The following COL6A6 variants were observed in gnomAD, a reference collection of about 807,000 sequenced individuals.
The protein encoded by COL6A6 is collagen alpha-6(VI) chain.
In COL6A6, 183 loss-of-function variants were observed where a neutral mutation model predicts 208.6. The observed-to-expected ratio is 0.88, with a 90% CI of 0.78 to 0.99. The LOEUF is 0.99. Among genes scored for constraint, COL6A6 ranks in the 50% least tolerant of loss-of-function variants. COL6A6 has a pLI of 0.00. For synonymous variants in COL6A6, 973 were observed against 1,011.8 expected (o/e 0.96, Z 0.73); for missense variants, 2,816 against 2,815.2 (o/e 1.00, Z -0.01).
Position 130,564,971 on chromosome 3 carries a change from CTTGT to C in COL6A6, c.662-20_662-17del, listed in dbSNP as rs1379790927. 3 of 1,603,618 alleles carry C rather than the reference CTTGT, an allele frequency of 1.9e-6. No homozygotes were observed. The highest frequency in any genetic ancestry group is 1.7e-4 in the Middle Eastern group (1 of 5,996). On this transcript the variant is annotated intron_variant, in intron 3 of 36. Coordinates refer to ENST00000358511, the MANE Select transcript of COL6A6 (RefSeq NM_001102608.3). ...TGCTGAACCACCAGCTAAAATTGTGCTTGTTTATTTCTTGCCACACAGCTTGCCA... is the reference window on the plus strand; with the variant it reads ...TGCTGAACCACCAGCTAAAATTGTGCTTATTTCTTGCCACACAGCTTGCCA...
intron 31 of COL6A6, among the ~76,000 whole-genome samples, chr3:130,643,970 CAGTT>C (rs983518607): frequency 5.9e-5 from 9 of 152,012 alleles, no homozygotes; most frequent in Non-Finnish European, 1.2e-4. Flanking sequence ...TTTTGGGGCT[CAGTT>C]AGTGCGGTGG....
chr3:130,606,989 C>T (rs375462877), intron 21 of COL6A6, 23 bp downstream of exon 21: 225 of 1,583,846 alleles, frequency 1.4e-4, no homozygotes, highest in Admixed American at 2.4e-4. Flanking sequence ...TTCCCCTTAA[C>T]TCCAAATAAC....
chr3:130,534,764 T>C (rs76239683), intron 1 of COL6A6, among the ~76,000 whole-genome samples: 1,902 of 152,296 alleles, frequency 0.012, 32 homozygotes, highest in African/African-American at 0.043. Context: ...CTACTTAGAT[T>C]TACCTACATT....
chr3:130,642,243 A>ATGTGTGTGTGTGTGTG (rs3074299), intron 29 of COL6A6, among the ~76,000 whole-genome samples: 52 of 142,198 alleles, frequency 3.7e-4, no homozygotes, highest in African/African-American at 1.3e-3. Context: ...GACAGATTAT[A>ATGTGTGTGTGTGTGTG]TGTGTGTGTG....
chr3:130,618,124 A>G (rs79931212), intron 23 of COL6A6, among the ~76,000 whole-genome samples: 13,230 of 152,130 alleles, frequency 0.087, 798 homozygotes, highest in Admixed American at 0.19. Flanking sequence ...TAGAACTCCA[A>G]TCTGGGCTAA....
chr3:130,568,450 TG>T lies in COL6A6; in HGVS notation c.2248del (p.Val750Ter). ...EPAVVLRQEG[V>X]IIYSVGVFGS... The stretch of plus-strand genomic sequence containing the variant: ...CAGCAGTAGTGCTTCGGCAAGAAGG[TG>T]TAATCATCTATTCTGTGGGAGTGTT... On this transcript the variant is annotated frameshift_variant, in exon 6 of 37. Coordinates refer to ENST00000358511, the MANE Select transcript of COL6A6 (RefSeq NM_001102608.3). LOFTEE classifies it high-confidence loss of function. 6.2e-7 allele frequency: 1 copy of T among 1,613,938 alleles called. No individual in the cohort carries two copies. The highest frequency in any genetic ancestry group is 1.1e-5 in the South Asian group (1 of 91,084).
At chr3:130,574,593 A>C in intron 8 of COL6A6, 68 bp downstream of exon 8, 2 of 1,320,332 alleles carry the variant, frequency 1.5e-6, no homozygotes, top group Non-Finnish European at 2.1e-6. Flanking sequence ...TTCCAGCTCC[A>C]TTGTCATCCC....
intron 1 of COL6A6, among the ~76,000 whole-genome samples, chr3:130,520,435 T>G (rs923097993): frequency 3.3e-5 from 5 of 152,216 alleles, no homozygotes; most frequent in African/African-American, 1.2e-4. Context: ...AACTGGTTTT[T>G]TCTTGAGGTG....
chr3:130,661,765 T>C lies in COL6A6; in HGVS notation c.5959T>C (p.Phe1987Leu). 6.2e-7 allele frequency: 1 copy of C among 1,613,922 alleles called. No individual in the cohort carries two copies. Among genetic ancestry groups the C allele is most frequent in the East Asian group, 2.2e-5 (1 of 44,868 alleles). The change falls in exon 35 of 37, where the codon TTC (phenylalanine) becomes CTC (leucine). Residue 1987 changes from phenylalanine to leucine, a missense_variant. Phe to Leu is a conservative substitution (Grantham distance 22). Transcript: ENST00000358511. ...GSAEFEDIRAFLGALLDHFEI... is the reference protein window; with the variant it reads ...GSAEFEDIRALLGALLDHFEI... ...TGCTGAATTTGAAGACATAAGAGCC[T>C]TCCTTGGAGCACTATTAGATCACTT...
chr3:130,658,958 G>T (rs1173692913), intron 34 of COL6A6, among the ~76,000 whole-genome samples, 186 bp downstream of exon 34: 1 of 152,078 alleles, frequency 6.6e-6, no homozygotes, highest in Admixed American at 6.5e-5. Flanking sequence ...AGCAAACATG[G>T]TCTCTTCCTA....
In COL6A6 at chr3:130,570,420, G is replaced by A. The variant is rs904177226; in HGVS notation, c.2402-398G>A. Among the ~76,000 whole-genome samples, 4 of 152,080 alleles carry A rather than the reference G, an allele frequency of 2.6e-5. No homozygotes were observed. The South Asian group carries it at 6.2e-4, about 24-fold the overall frequency. ...TATTAAGAATACAAATCTCAAGATC[G>A]TGGCTAAAATAAAAAGAAAAAAATT... On this transcript the variant is annotated intron_variant, in intron 6 of 36. Coordinates refer to ENST00000358511, the MANE Select transcript of COL6A6 (RefSeq NM_001102608.3).
chr3:130,603,852 C>G (rs1576311830), intron 20 of COL6A6, among the ~76,000 whole-genome samples: 1 of 152,074 alleles, frequency 6.6e-6, no homozygotes, highest in East Asian at 1.9e-4. Context: ...GGTTCTATAT[C>G]TAGGAAATTG....
intron 36 of COL6A6, 54 bp from the exon 37 acceptor site, chr3:130,675,148 C>A: frequency 1.8e-6 from 2 of 1,091,824 alleles, no homozygotes; most frequent in South Asian, 2.0e-5. Flanking sequence ...AATATGTAGT[C>A]TATTAAAGTT....
At chr3:130,528,616 C>T (rs1374582532) in intron 1 of COL6A6, among the ~76,000 whole-genome samples, 3 of 152,124 alleles carry the variant, frequency 2.0e-5, no homozygotes, top group African/African-American at 7.2e-5. Context: ...AGCAGAGCAT[C>T]ATTTTGGCTC....
At chr3:130,578,315 A>G (rs1405328654) in intron 8 of COL6A6, among the ~76,000 whole-genome samples, 1 of 152,164 alleles carries the variant, frequency 6.6e-6, no homozygotes, top group African/African-American at 2.4e-5. Flanking sequence ...TTCATGTCCA[A>G]CTTTTCTTAA....
intron 32 of COL6A6, among the ~76,000 whole-genome samples, chr3:130,645,466 C>A (rs892216304): frequency 6.6e-6 from 1 of 152,014 alleles, no homozygotes; most frequent in Non-Finnish European, 1.5e-5. Context: ...TTTGTAGAGG[C>A]AGGGTTTTGC....
intron 1 of COL6A6, among the ~76,000 whole-genome samples, chr3:130,544,584 C>G (rs2062448521): frequency 6.6e-6 from 1 of 152,182 alleles, no homozygotes; most frequent in African/African-American, 2.4e-5. Context: ...ATACGTAGTT[C>G]TATTTCTGAT....
chr3:130,596,936 G>A (rs2063867742), intron 18 of COL6A6, among the ~76,000 whole-genome samples: 1 of 152,128 alleles, frequency 6.6e-6, no homozygotes, highest in African/African-American at 2.4e-5. Flanking sequence ...GTAAATTTGT[G>A]GAAGATAATG....
At chr3:130,584,422 C>T (rs1277641979) in intron 10 of COL6A6, among the ~76,000 whole-genome samples, 1 of 151,964 alleles carries the variant, frequency 6.6e-6, no homozygotes, top group Non-Finnish European at 1.5e-5. Context: ...TATCCCAGCC[C>T]ACTCTACAAC....
Sources: allele counts gnomAD v4.1 joint callset (sites outside exome capture counted in the v4.1 genomes callset), GRCh38; gene constraint gnomAD v4.1.1; transcripts MANE v1.5; gene names NCBI Gene and HGNC (gene_info 2026-07-23, HGNC 2026-07-21).